The following MCUR1 variants were observed in gnomAD, a reference collection of about 807,000 sequenced individuals.
MCUR1 encodes MCU regulator 1.
MCUR1 carries 37 observed loss-of-function variants against 42.0 expected under a neutral mutation model. The observed-to-expected ratio is 0.88, with a 90% CI of 0.68 to 1.16. MCUR1 has a LOEUF of 1.16. Ranked by LOEUF, MCUR1 falls within the 50% of genes most tolerant of loss-of-function variation. MCUR1 has a pLI of 0.00. For missense variants in MCUR1, 469 were observed against 468.4 expected (o/e 1.00, Z -0.01); for synonymous variants, 229 against 196.2 (o/e 1.17, Z -1.40).
chr6:13,802,196 C>T (rs752908649), intron 3 of MCUR1, 47 bp downstream of exon 3: 3 of 1,402,150 alleles, frequency 2.1e-6, no homozygotes, highest in Admixed American at 3.5e-5. Flanking sequence ...ACAAATAATA[C>T]CCCATCTTCA....
chr6:13,807,084 G>A, intron 1 of MCUR1, 40 bp from the exon 2 acceptor site: 1 of 1,557,396 alleles, frequency 6.4e-7, no homozygotes, highest in Non-Finnish European at 8.7e-7. Context: ...CAGACTTCAT[G>A]CAAAACAAAA....
chr6:13,793,874 A>T lies in MCUR1; in HGVS notation c.909+20T>A. The stretch of plus-strand genomic sequence containing the variant: ...AAGATGAGTACAAAGACAAAGAAAA[A>T]TCACAGTCTTGTTTCTTACCAATGC... On this transcript the variant is annotated intron_variant, in intron 7 of 8. Transcript: ENST00000379170. 6.2e-7 allele frequency: 1 copy of T among 1,609,182 alleles called. No homozygotes were observed. Among genetic ancestry groups the T allele is most frequent in the East Asian group, 2.2e-5 (1 of 44,840 alleles).
rs1220442430 is a variant in MCUR1, at chr6:13,789,484, G to A, written c.*1325C>T. On this transcript the variant is annotated 3_prime_UTR_variant, in exon 9 of 9. Coordinates refer to ENST00000379170, the MANE Select transcript of MCUR1 (RefSeq NM_001031713.4). The stretch of plus-strand genomic sequence containing the variant: ...TTGTTTTCAATATAAAGGCAGGTAT[G>A]AGAATGTTTTGAACAACAGAATTAA... The A allele has an allele frequency of 6.6e-6, 1 of 152,088 alleles. No homozygotes were observed. Among genetic ancestry groups the A allele is most frequent in the East Asian group, 1.9e-4 (1 of 5,202 alleles). The allele number at this position is 152,088 out of a possible 1,614,324, so 9.4% of individuals were successfully genotyped here.
At chr6:13,801,147 T>C in intron 4 of MCUR1, 141 bp downstream of exon 4, 1 of 636,332 alleles carries the variant, frequency 1.6e-6, no homozygotes, top group Non-Finnish European at 2.7e-6. Context: ...GGGCAAGTTT[T>C]CCTGCTCGAT....
chr6:13,795,491 A>G (rs1759836220), intron 6 of MCUR1, among the ~76,000 whole-genome samples: 1 of 152,228 alleles, frequency 6.6e-6, no homozygotes, highest in South Asian at 2.1e-4. Flanking sequence ...TTGCAATTTA[A>G]TATTTAACAT....
rs1044326208 is a variant in MCUR1 at position 13,806,746 on chromosome 6, G to A, written c.535+179C>T. ...GCAGGTTACAGTGAACCAAGACTGC[G>A]CCACTGCAATCCAGCCTGGGTGACA... On this transcript the variant is annotated intron_variant, in intron 2 of 8. Coordinates refer to ENST00000379170, the MANE Select transcript of MCUR1 (RefSeq NM_001031713.4). Among the ~76,000 whole-genome samples the A allele has an allele frequency of 2.4e-4, 37 of 152,222 alleles. 1 individual carries two copies. Among genetic ancestry groups the A allele is most frequent in the South Asian group, 1.4e-3 (7 of 4,828 alleles).
At chr6:13,797,115 A>G (rs997475806) in intron 6 of MCUR1, among the ~76,000 whole-genome samples, 1 of 152,198 alleles carries the variant, frequency 6.6e-6, no homozygotes, top group African/African-American at 2.4e-5. Context: ...CAGTTCCAAA[A>G]CACAAGTAGG....
chr6:13,791,351 C>T (rs1379347250), intron 8 of MCUR1, among the ~76,000 whole-genome samples: 1 of 152,130 alleles, frequency 6.6e-6, no homozygotes, highest in Non-Finnish European at 1.5e-5. Flanking sequence ...ATATAAAGAA[C>T]AACATTTCAC....
At chr6:13,806,051 C>T (rs537954426) in intron 2 of MCUR1, among the ~76,000 whole-genome samples, 7 of 152,048 alleles carry the variant, frequency 4.6e-5, no homozygotes, top group African/African-American at 1.4e-4. Context: ...GTCAGGAGTT[C>T]GAGACCAGCC....
At position 13,789,339 on chromosome 6, in the gene MCUR1, T is replaced by G. The variant is rs371836356; in HGVS notation, c.*1470A>C. On this transcript the variant is annotated 3_prime_UTR_variant, in exon 9 of 9. Coordinates refer to ENST00000379170, the MANE Select transcript of MCUR1 (RefSeq NM_001031713.4). ...TCGCTTGAACCCAGGAGGCAGAGGT[T>G]GCAGTGAGCAGAGATCACGACAATG... 1.3e-5 allele frequency: 2 copies of G among 151,656 alleles called. No individual in the cohort carries two copies. Among genetic ancestry groups the G allele is most frequent in the South Asian group, 4.2e-4 (2 of 4,800 alleles). 9.4% of individuals were successfully genotyped at this position (151,656 alleles called of 1,614,324 possible).
chr6:13,811,809 TAAACA>T (rs1220908797), intron 1 of MCUR1, among the ~76,000 whole-genome samples: 1 of 151,980 alleles, frequency 6.6e-6, no homozygotes, highest in African/African-American at 2.4e-5. Context: ...CACCCCCACA[TAAACA>T]AAACAATCAC....
intron 1 of MCUR1, among the ~76,000 whole-genome samples, chr6:13,813,518 T>C (rs935494895): frequency 1.3e-5 from 2 of 152,216 alleles, no homozygotes; most frequent in Non-Finnish European, 2.9e-5. Context: ...TGGACTGATA[T>C]ATCTCACACA....
Position 13,806,948 on chromosome 6 carries a change from A to G in MCUR1, c.512T>C (p.Leu171Ser). ...SRKLYFDTHALVCLLEDNGFA... is the reference protein window; with the variant it reads ...SRKLYFDTHASVCLLEDNGFA... Reference sequence around the variant, plus strand: ...ACCATTGTCTTCCAGTAAGCACACTAAGGCATGAGTGTCGAAGTAGAGTTT... The same window carrying G: ...ACCATTGTCTTCCAGTAAGCACACTGAGGCATGAGTGTCGAAGTAGAGTTT... The change falls in exon 2 of 9, where the codon TTA becomes TCA. Residue 171 changes from leucine (L) to serine (S), a missense_variant. Transcript: ENST00000379170. The G allele has an allele frequency of 6.2e-7, 1 of 1,612,358 alleles. No individual in the cohort carries two copies.
intron 7 of MCUR1, 37 bp downstream of exon 7, chr6:13,793,857 T>C: frequency 6.3e-7 from 1 of 1,575,188 alleles, no homozygotes; most frequent in East Asian, 2.2e-5. Flanking sequence ...CAAAGATGAG[T>C]ACAAAGACAA....
At chr6:13,803,041 T>TA (rs1554115307) in intron 2 of MCUR1, among the ~76,000 whole-genome samples, 4 of 152,160 alleles carry the variant, frequency 2.6e-5, no homozygotes, top group Non-Finnish European at 5.9e-5. Context: ...AATTGAATGA[T>TA]AGAGATTCAA....
chr6:13,814,066 CG>C lies in MCUR1; in HGVS notation c.363del (p.Ala122ProfsTer19). 8.1e-7 allele frequency: 1 copy of C among 1,239,572 alleles called. No individual in the cohort carries two copies. The highest frequency in any genetic ancestry group is 4.0e-5 in the South Asian group (1 of 24,916). 76.8% of individuals were successfully genotyped at this position (1,239,572 alleles called of 1,614,324 possible). ...GCCGGGCCGTGGTACTGGGGAAGGGCGCCGGCGGCAGCGGCGACGCCCGGTG... is the reference window on the plus strand; with the variant it reads ...GCCGGGCCGTGGTACTGGGGAAGGGCCCGGCGGCAGCGGCGACGCCCGGTG... The part of the protein sequence containing the change: ...RCSPGVAAAA[G>X]ALPQYHGPAP... On this transcript the variant is annotated frameshift_variant, in exon 1 of 9. Coordinates refer to ENST00000379170, the MANE Select transcript of MCUR1 (RefSeq NM_001031713.4). LOFTEE classifies it high-confidence loss of function.
intron 5 of MCUR1, among the ~76,000 whole-genome samples, chr6:13,799,328 G>A (rs1759935337): frequency 6.6e-6 from 1 of 152,128 alleles, no homozygotes; most frequent in Non-Finnish European, 1.5e-5. Context: ...GGGATTATAG[G>A]TGCATGCCAC....
chr6:13,804,167 A>AG, intron 2 of MCUR1: 1 of 249,920 alleles, frequency 4.0e-6, no homozygotes, highest in Non-Finnish European at 8.2e-6. Context: ...GTAAAAATAC[A>AG]GAAAAATTAT....
chr6:13,803,685 C>CAT (rs59281603), intron 2 of MCUR1: 617,017 of 898,308 alleles, frequency 0.69, 214,263 homozygotes, highest in African/African-American at 0.89. Context: ...AATTTTTCAA[C>CAT]ATGTTATACA....
Sources: gnomAD v4.1 joint callset for allele counts (sites outside exome capture counted in the v4.1 genomes callset) on GRCh38, gnomAD v4.1.1 for gene constraint, MANE v1.5 for transcripts, NCBI Gene and HGNC (gene_info 2026-07-23, HGNC 2026-07-21) for gene names.